ARHGAP24: variants seen among roughly 807,000 people sequenced by gnomAD.
ARHGAP24 encodes the protein rho GTPase-activating protein 24.
In ARHGAP24, 50 loss-of-function variants were observed where a neutral mutation model predicts 76.4. The ratio of observed to expected loss-of-function variants is 0.65; its 90% CI spans 0.52 to 0.83. ARHGAP24 has a LOEUF of 0.83. ARHGAP24 is among the 40% of genes least tolerant of loss of function. ARHGAP24 has a pLI of 0.00. For missense variants in ARHGAP24, 930 were observed against 914.2 expected (o/e 1.02, Z -0.22); for synonymous variants, 345 against 323.3 (o/e 1.07, Z -0.72).
intron 3 of ARHGAP24, among the ~76,000 whole-genome samples, chr4:85,908,650 A>G (rs1245502931): frequency 6.6e-6 from 1 of 152,126 alleles, no homozygotes; most frequent in African/African-American, 2.4e-5. Context: ...TAATGATTCT[A>G]ATAATAGTGA....
intron 2 of ARHGAP24, among the ~76,000 whole-genome samples, chr4:85,682,228 A>G (rs1397830202): frequency 6.6e-6 from 1 of 152,248 alleles, no homozygotes; most frequent in Non-Finnish European, 1.5e-5. Context: ...AACCATAATA[A>G]GCCACAGATA....
chr4:85,705,708 G>A (rs764919162), intron 2 of ARHGAP24, among the ~76,000 whole-genome samples: 7 of 152,154 alleles, frequency 4.6e-5, no homozygotes, highest in Non-Finnish European at 1.0e-4. Flanking sequence ...TCAGGAACTT[G>A]CTCAAAGTTG....
rs117760231 is a variant in ARHGAP24 at position 85,681,988 on chromosome 4, A to G, written c.181-39897A>G. On this transcript the variant is annotated intron_variant, in intron 2 of 9. Coordinates refer to ENST00000395184, the MANE Select transcript of ARHGAP24 (RefSeq NM_001025616.3). ...TGCTACTATTATCCTCATTTTACAGATGAAGAAACAGGGCAAAGTTAAGAC... is the reference window on the plus strand; with the variant it reads ...TGCTACTATTATCCTCATTTTACAGGTGAAGAAACAGGGCAAAGTTAAGAC... 2.3e-4 allele frequency among the ~76,000 whole-genome samples: 35 copies of G among 152,212 alleles called. 1 individual carries two copies. The East Asian group carries it at 6.7e-3, about 29-fold the overall frequency.
chr4:85,995,357 C>T lies in ARHGAP24; in HGVS notation c.1703C>T (p.Ser568Phe). The T allele has an allele frequency of 1.9e-6, 3 of 1,614,070 alleles. No homozygotes were observed. The South Asian group carries it at 3.3e-5, about 18-fold the overall frequency. ...TGTGAAATCTCCCTCCCTGAGAACT[C>T]CAACTCCTGTCGCTCTTCTACCACC... is the stretch of plus-strand genomic sequence containing the variant. Reference protein sequence around the residue: ...SSCEISLPENSNSCRSSTTTC... With the variant: ...SSCEISLPENFNSCRSSTTTC... Residue 568 changes from serine (S) to phenylalanine (F), a missense_variant, in exon 9 of 10, where the codon TCC (serine) becomes TTC (phenylalanine). By Grantham distance (155) the Ser-to-Phe change is radical. Coordinates refer to ENST00000395184, the MANE Select transcript of ARHGAP24 (RefSeq NM_001025616.3).
chr4:85,612,403 C>T (rs1720422002), intron 2 of ARHGAP24, among the ~76,000 whole-genome samples: 1 of 151,580 alleles, frequency 6.6e-6, no homozygotes, highest in Admixed American at 6.6e-5. Context: ...GAGTGAGCCT[C>T]ACTGCACTCC....
chr4:85,711,008 C>T (rs1158240328), intron 2 of ARHGAP24, among the ~76,000 whole-genome samples: 1 of 152,042 alleles, frequency 6.6e-6, no homozygotes, highest in Non-Finnish European at 1.5e-5. Flanking sequence ...CCTAAATACC[C>T]ATGTAGATTA....
chr4:85,650,071 T>G (rs898071980), intron 2 of ARHGAP24, among the ~76,000 whole-genome samples: 12 of 152,148 alleles, frequency 7.9e-5, no homozygotes, highest in African/African-American at 2.9e-4. Flanking sequence ...TTAAATGAAG[T>G]ACATTATACT....
intron 2 of ARHGAP24, among the ~76,000 whole-genome samples, chr4:85,614,477 A>G (rs566888628): frequency 6.6e-6 from 1 of 152,276 alleles, no homozygotes; most frequent in East Asian, 1.9e-4. Context: ...TCCCATACAG[A>G]AAAGAACATA....
Position 85,584,158 on chromosome 4 carries a change from C to A in ARHGAP24, c.180+13437C>A, listed in dbSNP as rs1349175569. ...ACATGCACACGTATGTTTATTGTGGCACTATTCACAATAGCAAAGACTTGG... is the reference window on the plus strand; with the variant it reads ...ACATGCACACGTATGTTTATTGTGGAACTATTCACAATAGCAAAGACTTGG... On this transcript the variant is annotated intron_variant, in intron 2 of 9. Coordinates refer to ENST00000395184, the MANE Select transcript of ARHGAP24 (RefSeq NM_001025616.3). 2.0e-5 allele frequency among the ~76,000 whole-genome samples: 3 copies of A among 151,958 alleles called. No homozygotes were observed. The East Asian group carries it at 5.9e-4, about 30-fold the overall frequency.
intron 2 of ARHGAP24, among the ~76,000 whole-genome samples, chr4:85,601,732 T>A (rs1385404119): frequency 6.6e-6 from 1 of 152,014 alleles, no homozygotes; most frequent in African/African-American, 2.4e-5. Flanking sequence ...TATTTTAAAT[T>A]AATTAATTAA....
chr4:85,587,183 G>C (rs1341475260), intron 2 of ARHGAP24, among the ~76,000 whole-genome samples: 1 of 152,128 alleles, frequency 6.6e-6, no homozygotes, highest in Non-Finnish European at 1.5e-5. Context: ...GTCATGTTTA[G>C]TTTGTCTTTC....
intron 6 of ARHGAP24, among the ~76,000 whole-genome samples, chr4:85,973,263 C>G (rs1739098086): frequency 6.6e-6 from 1 of 152,104 alleles, no homozygotes; most frequent in South Asian, 2.1e-4. Flanking sequence ...GGTTGAATGG[C>G]ATTTCCCTGA....
intron 3 of ARHGAP24, among the ~76,000 whole-genome samples, chr4:85,788,366 C>T (rs988480644): frequency 1.3e-5 from 2 of 152,140 alleles, no homozygotes; most frequent in Admixed American, 1.3e-4. Flanking sequence ...ATATTTTAAA[C>T]TTAAACCAAT....
At chr4:85,712,360 T>TAAAA (rs2110035611) in intron 2 of ARHGAP24, among the ~76,000 whole-genome samples, 1 of 152,312 alleles carries the variant, frequency 6.6e-6, no homozygotes, top group South Asian at 2.1e-4. Flanking sequence ...CATTTGAGTG[T>TAAAA]TTAGGGTGGA....
chr4:85,682,087 A>T (rs904175597), intron 2 of ARHGAP24, among the ~76,000 whole-genome samples: 2 of 152,188 alleles, frequency 1.3e-5, no homozygotes, highest in Non-Finnish European at 2.9e-5. Context: ...GGGCTTTTAA[A>T]CACTGTGTTA....
At chr4:85,661,264 CA>C (rs945412064) in intron 2 of ARHGAP24, among the ~76,000 whole-genome samples, 1 of 19,924 alleles carries the variant, frequency 5.0e-5, no homozygotes, top group Non-Finnish European at 9.8e-5. Flanking sequence ...ACTGAAATTA[CA>C]TTAATTGGAG....
intron 1 of ARHGAP24, among the ~76,000 whole-genome samples, chr4:85,503,690 G>A (rs868096383): frequency 1.3e-5 from 2 of 152,008 alleles, no homozygotes; most frequent in African/African-American, 4.8e-5. Flanking sequence ...ATGATTTTTT[G>A]AAGGGTTTTT....
At chr4:85,830,728 A>G (rs1041994503) in intron 3 of ARHGAP24, among the ~76,000 whole-genome samples, 4 of 152,188 alleles carry the variant, frequency 2.6e-5, no homozygotes, top group African/African-American at 9.7e-5. Flanking sequence ...GGAGAGAAGA[A>G]ACCTGGAGAG....
chr4:85,503,664 C>T lies in ARHGAP24; in HGVS notation c.-21+28105C>T, dbSNP rs185110893. Reference sequence around the variant, plus strand: ...CAATTTCATTGAAATTTTTGAAAAACCAGCTCCTGGATTCAATGATTTTTT... The same window carrying T: ...CAATTTCATTGAAATTTTTGAAAAATCAGCTCCTGGATTCAATGATTTTTT... On this transcript the variant is annotated intron_variant, in intron 1 of 9. Coordinates refer to ENST00000395184, the MANE Select transcript of ARHGAP24 (RefSeq NM_001025616.3). Among the ~76,000 whole-genome samples the T allele has an allele frequency of 1.8e-4, 28 of 152,220 alleles. No homozygotes were observed. The East Asian group carries it at 5.2e-3, about 28-fold the overall frequency.
Sources: allele counts gnomAD v4.1 joint callset (sites outside exome capture counted in the v4.1 genomes callset), GRCh38; gene constraint gnomAD v4.1.1; transcripts MANE v1.5; gene names NCBI Gene and HGNC (gene_info 2026-07-23, HGNC 2026-07-21).